Variants in ST6GAL1 observed in about 807,000 individuals in gnomAD.
ST6GAL1 encodes the protein ST6 beta-galactoside alpha-2,6-sialyltransferase 1.
Under a neutral mutation model 38.0 loss-of-function variants are expected in ST6GAL1, and 20 were observed. That is an observed-to-expected ratio of 0.53 (90% CI 0.37 to 0.77). The LOEUF is 0.77. ST6GAL1 is among the 30% of genes least tolerant of loss of function. ST6GAL1 has a pLI of 0.00. For synonymous variants in ST6GAL1, 196 were observed against 188.2 expected, an observed-to-expected ratio of 1.04 and a Z score of -0.34; for missense variants, 432 against 496.4, an observed-to-expected ratio of 0.87 and a Z score of 1.23.
intron 2 of ST6GAL1, among the ~76,000 whole-genome samples, chr3:187,024,260 AT>A (rs1288546782): frequency 5.3e-5 from 8 of 151,264 alleles, no homozygotes; most frequent in Non-Finnish European, 8.8e-5. Context: ...CGCCTGGCTA[AT>A]TTTTTGTATT....
At chr3:187,045,973 T>C (rs564292893) in intron 4 of ST6GAL1, among the ~76,000 whole-genome samples, 2 of 152,314 alleles carry the variant, frequency 1.3e-5, no homozygotes, top group South Asian at 4.1e-4. Flanking sequence ...AGGCATTAGC[T>C]CTTAGAGAAC....
At chr3:186,950,708 CAAAT>C (rs1034137182) in intron 1 of ST6GAL1, among the ~76,000 whole-genome samples, 1 of 152,116 alleles carries the variant, frequency 6.6e-6, no homozygotes, top group Non-Finnish European at 1.5e-5. Context: ...TGCTCAGTGT[CAAAT>C]AAAAAGAACC....
chr3:187,016,837 G>A (rs906812817), intron 2 of ST6GAL1, among the ~76,000 whole-genome samples: 4 of 152,162 alleles, frequency 2.6e-5, no homozygotes, highest in African/African-American at 9.7e-5. Context: ...AGCTGCAGCC[G>A]TGTTGCTGCC....
rs368681746 is a variant in ST6GAL1 at position 186,988,626 on chromosome 3, T to A, written c.-183+24700T>A. 5.9e-4 allele frequency among the ~76,000 whole-genome samples: 90 copies of A among 151,636 alleles called. No individual in the cohort carries two copies. In the South Asian group the frequency reaches 6.1e-3, roughly 10 times the overall value. On this transcript the variant is annotated intron_variant, in intron 2 of 7. Coordinates refer to ENST00000169298, the MANE Select transcript of ST6GAL1 (RefSeq NM_173216.2). ...TAAGGATTAGGACTTGTAAGAAAAG[T>A]TAGTGAGGTTATCAGTTGCTCACAC...
At chr3:187,025,693 G>A (rs557232918) in intron 2 of ST6GAL1, among the ~76,000 whole-genome samples, 1 of 152,284 alleles carries the variant, frequency 6.6e-6, no homozygotes, top group Admixed American at 6.5e-5. Context: ...GTGCAAGGGT[G>A]AAGACAGTAG....
intron 5 of ST6GAL1, among the ~76,000 whole-genome samples, chr3:187,053,457 C>T (rs552477022): frequency 0.012 from 1,882 of 152,128 alleles, 40 homozygotes; most frequent in African/African-American, 0.043. Context: ...CTTTAATCCA[C>T]CTTGAATTAA....
In ST6GAL1 at chr3:186,952,425, A is replaced by G. The variant is rs1714611359; in HGVS notation, c.-324-11360A>G. Among the ~76,000 whole-genome samples, 1 of 151,728 alleles carries G rather than the reference A, an allele frequency of 6.6e-6. No individual in the cohort carries two copies. ...TTCTTCTCTTGGCTTCTGGAACATC[A>G]CTGTCTTTGCTTTTCCTCTTCTCTC... is the stretch of plus-strand genomic sequence containing the variant. On this transcript the variant is annotated intron_variant, in intron 1 of 7. Transcript: ENST00000169298. This position sits in a 1 kb window ranked among gnomAD's most constrained non-coding sequence, Gnocchi z 4.1.
At chr3:187,044,230 T>C (rs1278451959) in intron 4 of ST6GAL1, among the ~76,000 whole-genome samples, 1 of 152,252 alleles carries the variant, frequency 6.6e-6, no homozygotes, top group Non-Finnish European at 1.5e-5. Context: ...ATTTCTCTTA[T>C]GCTGAATGTG....
chr3:186,983,156 A>G (rs1260646999), intron 2 of ST6GAL1, among the ~76,000 whole-genome samples: 1 of 152,204 alleles, frequency 6.6e-6, no homozygotes, highest in Non-Finnish European at 1.5e-5. Context: ...TAATTAGCCA[A>G]TAAAATGTTT....
intron 2 of ST6GAL1, chr3:186,986,303 C>T (rs1715918035): frequency 6.6e-6 from 1 of 152,110 alleles, no homozygotes; most frequent in Admixed American, 6.5e-5. Flanking sequence ...CTGGTTCATA[C>T]CAAAGAGTCG....
In ST6GAL1 at chr3:187,051,356, C is replaced by T. The variant is rs751718216; in HGVS notation, c.705+10C>T. The T allele has an allele frequency of 6.2e-7, 1 of 1,613,484 alleles. No individual in the cohort carries two copies. Among genetic ancestry groups the T allele is most frequent in the African/African-American group, 1.3e-5 (1 of 75,036 alleles). ...CCTGATGAACTCTCAGGTAAAATTT[C>T]TTCTGTGCAGCTATGGAGTAAGAGA... On this transcript the variant is annotated intron_variant, in intron 5 of 7. Transcript: ENST00000169298.
chr3:186,979,697 G>T (rs1240462452), intron 2 of ST6GAL1, among the ~76,000 whole-genome samples: 1 of 152,144 alleles, frequency 6.6e-6, no homozygotes, highest in African/African-American at 2.4e-5. Context: ...TGAATATGTG[G>T]GTTGTTCTAT....
At chr3:187,039,863 G>A (rs748314096) in intron 3 of ST6GAL1, among the ~76,000 whole-genome samples, 3 of 152,236 alleles carry the variant, frequency 2.0e-5, no homozygotes, top group Non-Finnish European at 4.4e-5. Context: ...GAGCCCTTAT[G>A]TGAGATTTCA....
At chr3:187,054,975 G>T (rs1718643406) in intron 5 of ST6GAL1, among the ~76,000 whole-genome samples, 1 of 152,126 alleles carries the variant, frequency 6.6e-6, no homozygotes, top group Non-Finnish European at 1.5e-5. Context: ...CAATTTCAGA[G>T]CCTGTTATTG....
intron 2 of ST6GAL1, among the ~76,000 whole-genome samples, chr3:187,036,652 C>T (rs1161926746): frequency 6.6e-6 from 1 of 152,156 alleles, no homozygotes; most frequent in African/African-American, 2.4e-5. Flanking sequence ...AATGCAGGAA[C>T]AGAAAACCAA....
At chr3:187,064,704 C>A in intron 5 of ST6GAL1, 1 of 447,160 alleles carries the variant, frequency 2.2e-6, no homozygotes, top group Non-Finnish European at 4.5e-6. Context: ...CGCTCCATGA[C>A]AGCACTTGTG....
intron 2 of ST6GAL1, among the ~76,000 whole-genome samples, chr3:187,021,026 G>A (rs1039998495): frequency 6.6e-6 from 1 of 151,414 alleles, no homozygotes; most frequent in Admixed American, 6.6e-5. Flanking sequence ...GTGCAATGGC[G>A]TGATCTCTGC....
At chr3:186,989,118 T>G (rs1357496681) in intron 2 of ST6GAL1, among the ~76,000 whole-genome samples, 1 of 152,184 alleles carries the variant, frequency 6.6e-6, no homozygotes. Context: ...ATTGTCATTC[T>G]TTTAAGAGTG....
intron 2 of ST6GAL1, among the ~76,000 whole-genome samples, chr3:186,978,992 C>T (rs1715607030): frequency 6.6e-6 from 1 of 151,996 alleles, no homozygotes; most frequent in Non-Finnish European, 1.5e-5. Context: ...GTAGAGTTGG[C>T]ACCACCTCCT....
Sources: gnomAD v4.1 joint callset for allele counts (sites outside exome capture counted in the v4.1 genomes callset) on GRCh38, gnomAD v4.1.1 for gene constraint, Gnocchi (gnomAD v3.1) non-coding constraint, MANE v1.5 for transcripts, NCBI Gene and HGNC (gene_info 2026-07-23, HGNC 2026-07-21) for gene names.